The following SPIRE1 variants were observed in gnomAD, a reference collection of about 807,000 sequenced individuals.
The protein encoded by SPIRE1 is protein spire homolog 1.
Under a neutral mutation model 94.1 loss-of-function variants are expected in SPIRE1, and 40 were observed. The observed-to-expected ratio is 0.43, with a 90% CI of 0.33 to 0.55. The LOEUF (loss-of-function observed/expected upper bound fraction) is 0.55. Among genes scored for constraint, SPIRE1 ranks in the 20% least tolerant of loss-of-function variants. The pLI is 0.06. For synonymous variants in SPIRE1, 376 were observed against 371.7 expected (o/e 1.01, Z -0.13); for missense variants, 838 against 975.2 (o/e 0.86, Z 1.87).
chr18:12,546,452 G>A lies in SPIRE1; in HGVS notation c.603+222C>T, dbSNP rs141160383. On this transcript the variant is annotated intron_variant, in intron 3 of 16. Coordinates refer to ENST00000409402, the MANE Select transcript of SPIRE1 (RefSeq NM_001128626.2). The stretch of plus-strand genomic sequence containing the variant: ...GTTCAAAACCAGCCTGAGCAACATA[G>A]CAAGACCTCATCTCTGCAAAAAATT... Among the ~76,000 whole-genome samples the A allele has an allele frequency of 1.1e-3, 171 of 152,076 alleles. 1 individual carries two copies. Among genetic ancestry groups the A allele is most frequent in the East Asian group, 6.8e-3 (35 of 5,174 alleles).
chr18:12,451,047 AGG>A, intron 16 of SPIRE1: 1 of 487,302 alleles, frequency 2.1e-6, no homozygotes, highest in Admixed American at 3.2e-5. Flanking sequence ...GAGGAGGAGG[AGG>A]ATGAATAAGA....
chr18:12,530,905 G>A (rs2034662100), intron 4 of SPIRE1, among the ~76,000 whole-genome samples: 1 of 152,054 alleles, frequency 6.6e-6, no homozygotes, highest in Non-Finnish European at 1.5e-5. Context: ...AGAATTTGGT[G>A]AGCATACTGC....
chr18:12,604,847 A>T (rs1339873881), intron 2 of SPIRE1, among the ~76,000 whole-genome samples: 2 of 152,210 alleles, frequency 1.3e-5, no homozygotes, highest in Non-Finnish European at 2.9e-5. Context: ...GGTAGAAGCA[A>T]CCAGTTGTCC....
chr18:12,500,871 G>C (rs1021599182), intron 6 of SPIRE1, among the ~76,000 whole-genome samples: 1 of 151,966 alleles, frequency 6.6e-6, no homozygotes. Flanking sequence ...TCAGGAGTTC[G>C]AGACCAGCCT....
intron 1 of SPIRE1, among the ~76,000 whole-genome samples, chr18:12,638,889 T>C (rs1466739532): frequency 6.6e-6 from 1 of 152,208 alleles, no homozygotes; most frequent in Non-Finnish European, 1.5e-5. Context: ...GTAAGTTTTC[T>C]GAGGCCTCCC....
In SPIRE1 at chr18:12,452,926, C is replaced by T. The variant is rs2031316274; in HGVS notation, c.1847+142G>A. 2.8e-5 allele frequency: 17 copies of T among 612,624 alleles called. No homozygotes were observed. In the South Asian group the frequency reaches 4.0e-4, roughly 14 times the overall value. The allele number at this position is 612,624 out of a possible 1,614,324, so 37.9% of individuals were successfully genotyped here. On this transcript the variant is annotated intron_variant, in intron 14 of 16. Transcript: ENST00000409402. ...TTAAGAAATCAATATTCCTAACCTA[C>T]AAGGATAGCACAAGGTAACGTAACA...
intron 2 of SPIRE1, among the ~76,000 whole-genome samples, chr18:12,623,848 G>A (rs564892899): frequency 2.3e-3 from 351 of 151,458 alleles, no homozygotes; most frequent in Non-Finnish European, 3.8e-3. Context: ...GGCTGGTCTC[G>A]AACTCCTGAC....
At chr18:12,521,071 C>T (rs2144096162) in intron 4 of SPIRE1, among the ~76,000 whole-genome samples, 1 of 152,144 alleles carries the variant, frequency 6.6e-6, no homozygotes, top group East Asian at 1.9e-4. Flanking sequence ...TAAAATGTGG[C>T]TATAAGATTT....
intron 2 of SPIRE1, among the ~76,000 whole-genome samples, chr18:12,558,537 C>T (rs904930252): frequency 7.2e-5 from 11 of 152,222 alleles, no homozygotes; most frequent in Admixed American, 5.9e-4. Context: ...GCCCCACTCA[C>T]ATCCTGCTGA....
At chr18:12,488,640 C>A (rs1286890085) in intron 8 of SPIRE1, among the ~76,000 whole-genome samples, 1 of 151,978 alleles carries the variant, frequency 6.6e-6, no homozygotes, top group Admixed American at 6.6e-5. Flanking sequence ...ATTTACATCC[C>A]AAGCACACAT....
At position 12,463,396 on chromosome 18, in the gene SPIRE1, G is replaced by T; in HGVS notation, c.1593C>A (p.Asn531Lys). ...RHSIEKETPT[N>K]VRQFLPPSRQ... ...TGGAAGGCGGCAGGAACTGCCTCACGTTAGTAGGCGTTTCCTTTTCAATGG... is the reference window on the plus strand; with the variant it reads ...TGGAAGGCGGCAGGAACTGCCTCACTTTAGTAGGCGTTTCCTTTTCAATGG... The change falls in exon 12 of 17, where the codon AAC (asparagine) becomes AAA (lysine). Residue 531 changes from asparagine to lysine, a missense_variant. Transcript: ENST00000409402. 1 of 1,613,970 alleles carries T rather than the reference G, an allele frequency of 6.2e-7. No homozygotes were observed. The highest frequency in any genetic ancestry group is 1.1e-5 in the South Asian group (1 of 91,050).
intron 2 of SPIRE1, among the ~76,000 whole-genome samples, chr18:12,575,209 A>T (rs2036061931): frequency 6.6e-6 from 1 of 152,204 alleles, no homozygotes; most frequent in Non-Finnish European, 1.5e-5. Flanking sequence ...AGTTACTGAC[A>T]GTGATACAGC....
intron 2 of SPIRE1, among the ~76,000 whole-genome samples, chr18:12,595,026 C>G (rs1234688072): frequency 6.6e-6 from 1 of 152,096 alleles, no homozygotes; most frequent in Non-Finnish European, 1.5e-5. Context: ...GCCTGCAATC[C>G]CAGCACTTTG....
At chr18:12,640,993 G>A (rs1032659794) in intron 1 of SPIRE1, among the ~76,000 whole-genome samples, 22 of 152,144 alleles carry the variant, frequency 1.4e-4, no homozygotes, top group Non-Finnish European at 2.1e-4. Context: ...CAAGGCCAGC[G>A]AGGAGGCTAC....
At chr18:12,473,121 C>A (rs35872229) in intron 10 of SPIRE1, among the ~76,000 whole-genome samples, 16,596 of 152,144 alleles carry the variant, frequency 0.11, 1,224 homozygotes, top group Middle Eastern at 0.21. Context: ...GGGGGTCTTG[C>A]TATGTTGCTC....
At chr18:12,658,265 G>A (rs971898576), upstream of SPIRE1, 1 of 459,576 alleles carries the variant, frequency 2.2e-6, no homozygotes, top group East Asian at 7.7e-5. Flanking sequence ...TCTCTAGCCC[G>A]CAGGGCTCTC....
intron 1 of SPIRE1, chr18:12,656,549 T>G (rs2038542963): frequency 5.4e-6 from 1 of 183,992 alleles, no homozygotes; most frequent in Non-Finnish European, 1.0e-5. Flanking sequence ...AATGTCATTT[T>G]ACTAATTCGA....
At position 12,449,824 on chromosome 18, in the gene SPIRE1, G is replaced by C; in HGVS notation, c.2085C>G (p.Asp695Glu). The change falls in exon 17 of 17, where the codon GAC becomes GAG. Residue 695 changes from aspartate to glutamate, a missense_variant. By Grantham distance (45) the Asp-to-Glu change is conservative. This residue lies in a region of SPIRE1 where 645 missense variants were observed against 804.7 expected (regional missense o/e 0.80). Transcript: ENST00000409402. Reference protein sequence around the residue: ...ELQFPKELMEDWSTMEVCVDC... With the variant: ...ELQFPKELMEEWSTMEVCVDC... ...CCACACACACCTCCATGGTGCTCCA[G>C]TCCTCCATCAACTCTTTGGGAAACT... 6.2e-7 allele frequency: 1 copy of C among 1,614,150 alleles called. No individual in the cohort carries two copies.
intron 4 of SPIRE1, among the ~76,000 whole-genome samples, chr18:12,528,767 G>A (rs534860174): frequency 6.6e-6 from 1 of 152,228 alleles, no homozygotes; most frequent in Admixed American, 6.5e-5. Context: ...GACACAGTGA[G>A]AACACGAGGG....
Sources: allele counts gnomAD v4.1 joint callset (sites outside exome capture counted in the v4.1 genomes callset), GRCh38; gene constraint gnomAD v4.1.1; regional missense constraint gnomAD v4.1.1; transcripts MANE v1.5; gene names NCBI Gene and HGNC (gene_info 2026-07-23, HGNC 2026-07-21).